Variants in AOPEP observed in about 807,000 individuals in gnomAD.
AOPEP encodes aminopeptidase O (putative), also known as aminopeptidase O.
In AOPEP, 77 loss-of-function variants were observed where a neutral mutation model predicts 98.1. The observed-to-expected ratio is 0.78, with a 90% CI of 0.65 to 0.95. AOPEP has a LOEUF of 0.95. Ranked by LOEUF, AOPEP falls within the 40% of genes least tolerant of loss-of-function variation. The probability of loss-of-function intolerance (pLI) is 0.00; values close to 1 mark genes in which losing one functional copy is unlikely to be tolerated. For synonymous variants in AOPEP, 346 were observed against 365.3 expected, an observed-to-expected ratio of 0.95 and a Z score of 0.60; for missense variants, 1,024 against 1,024.7, an observed-to-expected ratio of 1.00 and a Z score of 0.01.
chr9:95,093,781 G>A, the AOPEP span, among the ~76,000 whole-genome samples: 1 of 152,130 alleles, frequency 6.6e-6, no homozygotes, highest in Non-Finnish European at 1.5e-5. Context: ...CTGTGTCGAT[G>A]GCTGCATTGC....
chr9:94,972,645 G>A lies in AOPEP; in HGVS notation c.1916+4844G>A, dbSNP rs1589129777. Reference sequence around the variant, plus strand: ...AAGCACAAATGAATGTTTTGATCAAGAAAATAAATCAGCTGGGCACCGTGG... The same window carrying A: ...AAGCACAAATGAATGTTTTGATCAAAAAAATAAATCAGCTGGGCACCGTGG... On this transcript the variant is annotated intron_variant, in intron 10 of 16. Transcript: ENST00000375315. This position sits in a 1 kb window ranked among gnomAD's most constrained non-coding sequence, Gnocchi z 4.2. Among the ~76,000 whole-genome samples, 1 of 152,144 alleles carries A rather than the reference G, an allele frequency of 6.6e-6. No individual in the cohort carries two copies. Among genetic ancestry groups the A allele is most frequent in the Non-Finnish European group, 1.5e-5 (1 of 68,022 alleles).
intron 5 of AOPEP, chr9:94,900,294 A>C (rs1458166763): frequency 6.6e-6 from 1 of 152,246 alleles, no homozygotes; most frequent in Non-Finnish European, 1.5e-5. Context: ...GTAAACTTTC[A>C]ATGGCACCAA....
chr9:94,943,583 G>A (rs1159625259), intron 7 of AOPEP, among the ~76,000 whole-genome samples: 1 of 147,150 alleles, frequency 6.8e-6, no homozygotes, highest in African/African-American at 2.5e-5. Context: ...GACAGAGTGG[G>A]ACTCCATCTC....
intron 7 of AOPEP, among the ~76,000 whole-genome samples, chr9:94,947,785 T>C (rs1198305998): frequency 6.6e-6 from 1 of 152,190 alleles, no homozygotes; most frequent in East Asian, 1.9e-4. Context: ...CATGGAGATA[T>C]TAAGCAGTCA....
intron 14 of AOPEP, among the ~76,000 whole-genome samples, chr9:95,069,312 G>T (rs1275814494): frequency 1.3e-5 from 2 of 152,244 alleles, no homozygotes; most frequent in African/African-American, 4.8e-5. Flanking sequence ...TGTCTGCAGG[G>T]CTTATTAGAG....
At chr9:94,900,589 A>T (rs1161414540) in intron 5 of AOPEP, 1 of 152,088 alleles carries the variant, frequency 6.6e-6, no homozygotes, top group African/African-American at 2.4e-5. Flanking sequence ...GCCCCATCTG[A>T]CATTAGGAAA....
intron 14 of AOPEP, among the ~76,000 whole-genome samples, chr9:95,074,794 G>GAGGCCAGC (rs1398937551): frequency 6.6e-6 from 1 of 152,186 alleles, no homozygotes; most frequent in Admixed American, 6.5e-5. Flanking sequence ...GGCAGGTCAG[G>GAGGCCAGC]AGGCCAGCCA....
chr9:95,002,836 T>C (rs901888057), intron 11 of AOPEP, among the ~76,000 whole-genome samples: 1 of 152,200 alleles, frequency 6.6e-6, no homozygotes, highest in Non-Finnish European at 1.5e-5. Flanking sequence ...CGTACCATTC[T>C]GGCTTCTCTG....
intron 4 of AOPEP, among the ~76,000 whole-genome samples, chr9:94,795,611 A>T (rs1045636374): frequency 3.9e-5 from 6 of 152,270 alleles, no homozygotes; most frequent in Non-Finnish European, 5.9e-5. Flanking sequence ...GACATTTGTT[A>T]TTTTGCCTTT....
At chr9:94,859,392 C>T (rs1217507020) in intron 5 of AOPEP, among the ~76,000 whole-genome samples, 1 of 152,326 alleles carries the variant, frequency 6.6e-6, no homozygotes, top group East Asian at 1.9e-4. Flanking sequence ...CCTCTGTCTG[C>T]CAAATCTCCC....
At chr9:95,044,853 G>T (rs1048581342) in intron 13 of AOPEP, among the ~76,000 whole-genome samples, 1 of 152,166 alleles carries the variant, frequency 6.6e-6, no homozygotes, top group African/African-American at 2.4e-5. Context: ...AGTGGGGGAA[G>T]GGGGAGAGTG....
intron 13 of AOPEP, among the ~76,000 whole-genome samples, chr9:95,054,847 C>T (rs2066686749): frequency 6.6e-6 from 1 of 152,126 alleles, no homozygotes; most frequent in African/African-American, 2.4e-5. Flanking sequence ...ACTGATTCTG[C>T]TAGACAAATA....
intron 5 of AOPEP, among the ~76,000 whole-genome samples, chr9:94,853,779 G>A (rs974687904): frequency 5.9e-5 from 9 of 152,160 alleles, no homozygotes; most frequent in African/African-American, 9.7e-5. Flanking sequence ...TAGCTTTGAC[G>A]TTAACGATGA....
chr9:94,976,175 G>C (rs58436835), intron 10 of AOPEP, among the ~76,000 whole-genome samples: 2,369 of 152,258 alleles, frequency 0.016, 65 homozygotes, highest in African/African-American at 0.054. Context: ...GTCACTCCCT[G>C]GGTTTTCCCA....
chr9:94,775,672 A>G (rs1350804625), intron 3 of AOPEP, among the ~76,000 whole-genome samples: 1 of 151,582 alleles, frequency 6.6e-6, no homozygotes, highest in African/African-American at 2.4e-5. Context: ...GCCTTACTTG[A>G]TTCTTAAAAA....
Position 94,975,677 on chromosome 9 carries a change from C to T in AOPEP, c.1917-3690C>T, listed in dbSNP as rs867745403. Among the ~76,000 whole-genome samples, 4 of 152,330 alleles carry T rather than the reference C, an allele frequency of 2.6e-5. No homozygotes were observed. The East Asian group carries it at 5.8e-4, about 22-fold the overall frequency. ...ACGCCACATCCATGTGGGCCGCTCT[C>T]GTTGCCTCCTGCAGAAACATTCTGC... On this transcript the variant is annotated intron_variant, in intron 10 of 16. Transcript: ENST00000375315.
chr9:94,935,253 C>G (rs1220887626), intron 7 of AOPEP: 1 of 152,294 alleles, frequency 6.6e-6, no homozygotes, highest in Non-Finnish European at 1.5e-5. Flanking sequence ...TGCCTTCTGC[C>G]ATAATTGTAA....
chr9:95,117,720 A>G, the AOPEP span, among the ~76,000 whole-genome samples: 1 of 138,534 alleles, frequency 7.2e-6, no homozygotes, highest in Non-Finnish European at 1.5e-5. Context: ...TAGGTATTTC[A>G]GCATTTTTTT....
At chr9:94,894,765 C>G (rs2049279031) in intron 5 of AOPEP, among the ~76,000 whole-genome samples, 1 of 152,192 alleles carries the variant, frequency 6.6e-6, no homozygotes, top group Non-Finnish European at 1.5e-5. Flanking sequence ...ATAAGCTACT[C>G]TTATTTGTAA....
Sources: allele counts gnomAD v4.1 joint callset (sites outside exome capture counted in the v4.1 genomes callset), GRCh38; gene constraint gnomAD v4.1.1; non-coding constraint Gnocchi (gnomAD v3.1); transcripts MANE v1.5; gene names NCBI Gene and HGNC (gene_info 2026-07-23, HGNC 2026-07-21).